Variants in DIAPH3 observed in about 807,000 individuals in gnomAD.
DIAPH3 encodes protein diaphanous homolog 3.
DIAPH3 carries 117 observed loss-of-function variants against 144.3 expected under a neutral mutation model. The observed-to-expected ratio is 0.81, with a 90% CI of 0.70 to 0.95. The LOEUF is 0.95. Among genes scored for constraint, DIAPH3 ranks in the 40% least tolerant of loss-of-function variants. The probability of loss-of-function intolerance (pLI) is 0.00; values close to 1 mark genes in which losing one functional copy is unlikely to be tolerated. For missense variants in DIAPH3, 1,421 were observed against 1,412.7 expected (o/e 1.01, Z -0.09); for synonymous variants, 519 against 488.9 (o/e 1.06, Z -0.81).
chr13:59,997,345 G>T (rs1372494116), intron 9 of DIAPH3, among the ~76,000 whole-genome samples: 2 of 151,962 alleles, frequency 1.3e-5, no homozygotes, highest in African/African-American at 4.8e-5. Flanking sequence ...ATAGCCTCCA[G>T]TTCCATCTAT....
intron 25 of DIAPH3, among the ~76,000 whole-genome samples, chr13:59,781,716 T>G (rs1386098769): frequency 6.6e-6 from 1 of 152,200 alleles, no homozygotes; most frequent in Admixed American, 6.5e-5. Flanking sequence ...CTAAACAAAC[T>G]TTTTGAGAAG....
chr13:59,712,845 G>T, intron 27 of DIAPH3, among the ~76,000 whole-genome samples: 1 of 152,168 alleles, frequency 6.6e-6, no homozygotes, highest in Non-Finnish European at 1.5e-5. Flanking sequence ...CCAGGGACTG[G>T]TTTCATGGAA....
rs1193148524 is a variant in DIAPH3 at position 59,938,609 on chromosome 13, GA to G, written c.2075-13740del. On this transcript the variant is annotated intron_variant, in intron 17 of 27. Coordinates refer to ENST00000400324, the MANE Select transcript of DIAPH3 (RefSeq NM_001042517.2). ...GGGCAACAGAGGCAGACCTTGTTTG[GA>G]AAAAAAAAAAAAATTAATAAAATGC... 1.5e-3 allele frequency among the ~76,000 whole-genome samples: 209 copies of G among 137,626 alleles called. 2 individuals are homozygous for G. The highest frequency in any genetic ancestry group is 7.4e-3 in the Middle Eastern group (2 of 270). The allele number at this position is 137,626 out of a possible 152,430, so 90.3% of individuals were successfully genotyped here.
At chr13:60,079,882 C>A (rs1422090010) in intron 4 of DIAPH3, among the ~76,000 whole-genome samples, 1 of 151,874 alleles carries the variant, frequency 6.6e-6, no homozygotes, top group Non-Finnish European at 1.5e-5. Context: ...TTTTCTCAGG[C>A]TCATTTTACA....
In DIAPH3 at chr13:59,788,675, T is replaced by C. The variant is rs541163665; in HGVS notation, c.3164-13852A>G. Reference sequence around the variant, plus strand: ...ATGACATCCATATACCAGAATATTTTGTACTGTCAAAAAATGAGGCATATT... The same window carrying C: ...ATGACATCCATATACCAGAATATTTCGTACTGTCAAAAAATGAGGCATATT... On this transcript the variant is annotated intron_variant, in intron 25 of 27. Coordinates refer to ENST00000400324, the MANE Select transcript of DIAPH3 (RefSeq NM_001042517.2). Among the ~76,000 whole-genome samples the C allele has an allele frequency of 5.3e-5, 8 of 152,274 alleles. No homozygotes were observed. In the South Asian group the frequency reaches 1.7e-3, roughly 32 times the overall value.
intron 22 of DIAPH3, 98 bp from the exon 23 acceptor site, chr13:59,839,546 A>G (rs1461727885): frequency 9.1e-7 from 1 of 1,100,370 alleles, no homozygotes; most frequent in African/African-American, 1.6e-5. Context: ...ACAACTCACA[A>G]TAATGTAAGA....
At chr13:60,066,614 C>T (rs2056976283) in intron 4 of DIAPH3, among the ~76,000 whole-genome samples, 1 of 152,174 alleles carries the variant, frequency 6.6e-6, no homozygotes, top group African/African-American at 2.4e-5. Flanking sequence ...TTGAGATATA[C>T]TGTAGTTATA....
intron 18 of DIAPH3, 75 bp downstream of exon 18, chr13:59,924,700 C>A: frequency 1.3e-6 from 2 of 1,527,068 alleles, no homozygotes; most frequent in Non-Finnish European, 1.8e-6. Flanking sequence ...AATGAATAAT[C>A]GGTCTTAAAG....
At position 59,666,357 on chromosome 13, in the gene DIAPH3, CAA is replaced by C. The variant is rs11421911; in HGVS notation, c.*225_*226del. Reference sequence around the variant, plus strand: ...TAAAGAACTGAGGAATACCAGGAGACAAAAAAAAAAAAAAAAGGATTAAAGCC... The same window carrying C: ...TAAAGAACTGAGGAATACCAGGAGACAAAAAAAAAAAAAAGGATTAAAGCC... On this transcript the variant is annotated 3_prime_UTR_variant, in exon 28 of 28. Transcript: ENST00000400324. 0.047 allele frequency: 13,879 copies of C among 293,908 alleles called. No homozygotes were observed. The highest frequency in any genetic ancestry group is 0.066 in the South Asian group (1,334 of 20,212). 18.2% of individuals were successfully genotyped at this position (293,908 alleles called of 1,614,324 possible). A position where few individuals can be genotyped will look rare whatever the true frequency, so the allele number is the denominator to read the frequency against.
intron 23 of DIAPH3, among the ~76,000 whole-genome samples, chr13:59,834,786 A>G (rs2041958907): frequency 6.6e-6 from 1 of 151,778 alleles, no homozygotes; most frequent in Non-Finnish European, 1.5e-5. Context: ...CATAAAATTC[A>G]TTATAAAAAT....
At chr13:59,676,535 A>T (rs2032653789) in intron 27 of DIAPH3, among the ~76,000 whole-genome samples, 1 of 152,248 alleles carries the variant, frequency 6.6e-6, no homozygotes, top group Non-Finnish European at 1.5e-5. Context: ...AGTTGAAATT[A>T]TGGTTAAGTC....
intron 27 of DIAPH3, among the ~76,000 whole-genome samples, chr13:59,708,111 G>A (rs1235951512): frequency 6.6e-6 from 1 of 151,470 alleles, no homozygotes; most frequent in Non-Finnish European, 1.5e-5. Flanking sequence ...CACCCAAGCT[G>A]GTGTGCAGCA....
At chr13:59,801,299 G>A (rs1299777529) in intron 25 of DIAPH3, among the ~76,000 whole-genome samples, 2 of 152,174 alleles carry the variant, frequency 1.3e-5, no homozygotes, top group Admixed American at 1.3e-4. Context: ...AAGAGGAACT[G>A]TCACACATTT....
chr13:59,916,227 C>T lies in DIAPH3; in HGVS notation c.2193G>A (p.Arg731=), dbSNP rs1566511156. The change falls in exon 19 of 28, where the codon CGG becomes CGA. Residue 731 remains arginine (R), a synonymous_variant. Coordinates refer to ENST00000400324, the MANE Select transcript of DIAPH3 (RefSeq NM_001042517.2). ...QNLSIFLSSF[R]VPYEEIRMMI... is the part of the protein sequence containing the mutation. ...TCATTCTGATTTCCTCATATGGCACCCGAAAAGAGCTCAGGAAGATTGCTA... is the reference window on the plus strand; with the variant it reads ...TCATTCTGATTTCCTCATATGGCACTCGAAAAGAGCTCAGGAAGATTGCTA... The T allele has an allele frequency of 6.2e-7, 1 of 1,612,810 alleles. No individual in the cohort carries two copies. The highest frequency in any genetic ancestry group is 8.5e-7 in the Non-Finnish European group (1 of 1,179,380).
intron 4 of DIAPH3, among the ~76,000 whole-genome samples, chr13:60,070,431 C>G (rs575044852): frequency 9.9e-5 from 15 of 151,542 alleles, no homozygotes; most frequent in Admixed American, 9.2e-4. Flanking sequence ...GACATAAAAA[C>G]AGTTTTAGGG....
chr13:60,162,328 A>T (rs1466511373), intron 1 of DIAPH3, among the ~76,000 whole-genome samples: 1 of 152,222 alleles, frequency 6.6e-6, no homozygotes, highest in African/African-American at 2.4e-5. Flanking sequence ...TGGACCACAG[A>T]AGTTAAAACA....
intron 18 of DIAPH3, among the ~76,000 whole-genome samples, chr13:59,916,812 C>A (rs960896803): frequency 7.2e-5 from 11 of 152,100 alleles, no homozygotes; most frequent in African/African-American, 2.7e-4. Context: ...GTAACCAAAG[C>A]TTAAAATATC....
At chr13:59,967,844 G>T (rs575602390) in intron 17 of DIAPH3, among the ~76,000 whole-genome samples, 1 of 152,036 alleles carries the variant, frequency 6.6e-6, no homozygotes, top group South Asian at 2.1e-4. Flanking sequence ...AGCAGGGCTC[G>T]GAGTCACAAC....
chr13:59,833,083 T>A (rs755714650), intron 24 of DIAPH3, 24 bp downstream of exon 24: 5 of 1,595,670 alleles, frequency 3.1e-6, no homozygotes. Flanking sequence ...AAAAACTTTT[T>A]AAAAAACAAT....
Sources: gnomAD v4.1 joint callset for allele counts (sites outside exome capture counted in the v4.1 genomes callset) on GRCh38, gnomAD v4.1.1 for gene constraint, MANE v1.5 for transcripts, NCBI Gene and HGNC (gene_info 2026-07-23, HGNC 2026-07-21) for gene names.